The following ASIC2 variants were observed in gnomAD, a reference collection of about 807,000 sequenced individuals.
ASIC2 encodes the protein acid-sensing ion channel 2.
Under a neutral mutation model 57.3 loss-of-function variants are expected in ASIC2, and 25 were observed. That is an observed-to-expected ratio of 0.44 (90% CI 0.32 to 0.61). The LOEUF is 0.61. Ranked by LOEUF, ASIC2 falls within the 20% of genes least tolerant of loss-of-function variation. The pLI is 0.06. For synonymous variants in ASIC2, 319 were observed against 307.5 expected, an observed-to-expected ratio of 1.04 and a Z score of -0.39; for missense variants, 641 against 738.1, an observed-to-expected ratio of 0.87 and a Z score of 1.52.
intron 1 of ASIC2, among the ~76,000 whole-genome samples, chr17:33,701,104 C>G (rs932935248): frequency 9.8e-5 from 15 of 152,318 alleles, no homozygotes; most frequent in Admixed American, 7.8e-4. Flanking sequence ...TCAGTCTACT[C>G]TGACTTAGAA....
intron 1 of ASIC2, among the ~76,000 whole-genome samples, chr17:33,299,443 C>G (rs558215179): frequency 6.6e-6 from 1 of 152,314 alleles, no homozygotes; most frequent in East Asian, 1.9e-4. Flanking sequence ...TTCCTACACC[C>G]TTCCCTTCCT....
intron 1 of ASIC2, among the ~76,000 whole-genome samples, chr17:33,333,245 C>T (rs1016940705): frequency 2.6e-5 from 4 of 152,174 alleles, no homozygotes; most frequent in African/African-American, 9.7e-5. Flanking sequence ...TTCACTTTGA[C>T]CAAGTAATTT....
chr17:34,053,835 T>C (rs948405855), intron 1 of ASIC2, among the ~76,000 whole-genome samples: 1 of 152,234 alleles, frequency 6.6e-6, no homozygotes, highest in African/African-American at 2.4e-5. Context: ...AAACCAAATA[T>C]AGGTGGGACT....
intron 1 of ASIC2, among the ~76,000 whole-genome samples, chr17:33,730,205 T>C (rs968125923): frequency 6.6e-6 from 1 of 152,216 alleles, no homozygotes; most frequent in South Asian, 2.1e-4. Context: ...CTACCTTTTT[T>C]GGTTAAATAT....
chr17:33,428,980 G>A (rs1294738958), intron 1 of ASIC2, among the ~76,000 whole-genome samples: 1 of 152,166 alleles, frequency 6.6e-6, no homozygotes, highest in Non-Finnish European at 1.5e-5. Flanking sequence ...GATGAAACCT[G>A]CAATAAAGTA....
intron 1 of ASIC2, among the ~76,000 whole-genome samples, chr17:33,410,910 G>A (rs1008197655): frequency 3.9e-5 from 6 of 152,042 alleles, no homozygotes; most frequent in South Asian, 2.1e-4. Context: ...GCCAGTAGAC[G>A]CTTATTGGAA....
intron 1 of ASIC2, among the ~76,000 whole-genome samples, chr17:33,914,672 G>T (rs1915546676): frequency 6.6e-6 from 1 of 152,180 alleles, no homozygotes; most frequent in Non-Finnish European, 1.5e-5. Flanking sequence ...ACCTGCTCAA[G>T]GTTACACAGA....
intron 1 of ASIC2, among the ~76,000 whole-genome samples, chr17:33,339,889 C>G (rs1196774959): frequency 6.6e-6 from 1 of 152,132 alleles, no homozygotes; most frequent in Non-Finnish European, 1.5e-5. Flanking sequence ...CATTTGTTAG[C>G]AAAATCCATC....
At chr17:33,684,198 G>C (rs1299204101) in intron 1 of ASIC2, among the ~76,000 whole-genome samples, 4 of 152,086 alleles carry the variant, frequency 2.6e-5, no homozygotes, top group Non-Finnish European at 4.4e-5. Context: ...ATACACCCTG[G>C]CATGTCCAAA....
intron 1 of ASIC2, among the ~76,000 whole-genome samples, chr17:33,431,779 T>C (rs1911429138): frequency 6.6e-6 from 1 of 152,188 alleles, no homozygotes; most frequent in African/African-American, 2.4e-5. Context: ...ATAAAAATAT[T>C]GAGGGCAAAA....
chr17:33,777,611 T>C (rs1268014866), intron 1 of ASIC2, among the ~76,000 whole-genome samples: 3 of 152,142 alleles, frequency 2.0e-5, no homozygotes, highest in Non-Finnish European at 4.4e-5. Context: ...ACAGAGAGGT[T>C]TGACAAATTG....
At chr17:33,742,575 G>A (rs1302430836) in intron 1 of ASIC2, among the ~76,000 whole-genome samples, 4 of 152,124 alleles carry the variant, frequency 2.6e-5, no homozygotes, top group Non-Finnish European at 4.4e-5. Context: ...AAGATCTGAT[G>A]GGCAGGTAGA....
chr17:33,456,409 C>A lies in ASIC2; in HGVS notation c.556-344342G>T, dbSNP rs532020319. Among the ~76,000 whole-genome samples the A allele has an allele frequency of 1.6e-4, 24 of 152,304 alleles. No individual in the cohort carries two copies. In the South Asian group the frequency reaches 5.0e-3, roughly 32 times the overall value. On this transcript the variant is annotated intron_variant, in intron 1 of 9. Coordinates refer to the ASIC2 transcript ENST00000359872. Reference sequence around the variant, plus strand: ...GCTATTTCCCATCATGCACTATCCCCATCCCCCCTTCAGTCTATTCCCAGA... The same window carrying A: ...GCTATTTCCCATCATGCACTATCCCAATCCCCCCTTCAGTCTATTCCCAGA...
At chr17:33,486,709 G>A (rs911289056) in intron 1 of ASIC2, among the ~76,000 whole-genome samples, 1 of 152,210 alleles carries the variant, frequency 6.6e-6, no homozygotes, top group African/African-American at 2.4e-5. Context: ...GGGCTCCCTG[G>A]TTGACCTGTG....
chr17:34,032,794 A>T (rs1345406068), intron 1 of ASIC2, among the ~76,000 whole-genome samples: 1 of 152,268 alleles, frequency 6.6e-6, no homozygotes, highest in East Asian at 1.9e-4. Flanking sequence ...AAAGGGATCA[A>T]TGCAACAAGA....
intron 1 of ASIC2, among the ~76,000 whole-genome samples, chr17:33,310,174 G>A (rs774815398): frequency 6.6e-6 from 1 of 151,606 alleles, no homozygotes; most frequent in Non-Finnish European, 1.5e-5. Flanking sequence ...ATATCCATTT[G>A]TATGGCCAGT....
intron 1 of ASIC2, among the ~76,000 whole-genome samples, chr17:33,561,283 G>A (rs751961632): frequency 2.6e-5 from 4 of 152,140 alleles, no homozygotes; most frequent in Non-Finnish European, 4.4e-5. Flanking sequence ...GAAGGCACAG[G>A]TATAACATCC....
At chr17:33,248,067 G>C (rs1445041230) in intron 1 of ASIC2, among the ~76,000 whole-genome samples, 2 of 152,226 alleles carry the variant, frequency 1.3e-5, no homozygotes, top group Non-Finnish European at 2.9e-5. Context: ...AGGGGAAGAG[G>C]GGGTGTGGTT....
intron 1 of ASIC2, chr17:34,006,488 T>C (rs1906528721): frequency 6.6e-6 from 1 of 152,236 alleles, no homozygotes; most frequent in African/African-American, 2.4e-5. Flanking sequence ...TTTTAAATGA[T>C]TACTCTGACC....
Sources: allele counts gnomAD v4.1 joint callset (sites outside exome capture counted in the v4.1 genomes callset), GRCh38; gene constraint gnomAD v4.1.1; transcripts MANE v1.5; gene names NCBI Gene and HGNC (gene_info 2026-07-23, HGNC 2026-07-21).